Variants in AMBRA1 observed in about 807,000 individuals in gnomAD.
AMBRA1 encodes the protein activating molecule in BECN1-regulated autophagy protein 1.
A neutral mutation model predicts 125.4 loss-of-function variants in AMBRA1; 47 were observed. That is an observed-to-expected ratio of 0.37 (90% CI 0.30 to 0.48). The LOEUF is 0.48. AMBRA1 is among the 20% of genes least tolerant of loss of function. The pLI is 0.99. For synonymous variants in AMBRA1, 626 were observed against 655.5 expected, an observed-to-expected ratio of 0.95 and a Z score of 0.69; for missense variants, 1,331 against 1,693.4, an observed-to-expected ratio of 0.79 and a Z score of 3.76.
At chr11:46,417,047 T>C (rs988844961) in intron 15 of AMBRA1, among the ~76,000 whole-genome samples, 20 of 152,154 alleles carry the variant, frequency 1.3e-4, no homozygotes, top group African/African-American at 3.6e-4. Flanking sequence ...TGACTGTAAA[T>C]TGAGCTTTTC....
At chr11:46,427,865 C>T (rs758673614) in intron 14 of AMBRA1, among the ~76,000 whole-genome samples, 4 of 151,836 alleles carry the variant, frequency 2.6e-5, no homozygotes, top group Admixed American at 6.6e-5. Context: ...AAAAATTAGC[C>T]GGGAGTGGTG....
At chr11:46,424,515 A>C (rs753737892) in intron 14 of AMBRA1, among the ~76,000 whole-genome samples, 19 of 152,240 alleles carry the variant, frequency 1.2e-4, no homozygotes, top group Non-Finnish European at 2.6e-4. Context: ...TTCTGTGCTA[A>C]AAGAAATACT....
intron 17 of AMBRA1, among the ~76,000 whole-genome samples, chr11:46,400,337 C>T (rs976272330): frequency 2.6e-5 from 4 of 152,162 alleles, no homozygotes; most frequent in Admixed American, 6.5e-5. Flanking sequence ...CATCCATCCC[C>T]TTCTCTCTGC....
At chr11:46,443,395 T>G in intron 12 of AMBRA1, 93 bp downstream of exon 12, 2 of 954,446 alleles carry the variant, frequency 2.1e-6, no homozygotes, top group Non-Finnish European at 1.7e-6. Context: ...CTCAATAGGA[T>G]GATGAAAAAC....
At chr11:46,583,206 A>T (rs2044238473) in intron 1 of AMBRA1, among the ~76,000 whole-genome samples, 1 of 152,106 alleles carries the variant, frequency 6.6e-6, no homozygotes, top group Non-Finnish European at 1.5e-5. Context: ...GCATATCTAC[A>T]ACTATCTGAT....
intron 1 of AMBRA1, among the ~76,000 whole-genome samples, chr11:46,549,815 C>T (rs1251819511): frequency 1.3e-5 from 2 of 151,130 alleles, no homozygotes; most frequent in Admixed American, 6.6e-5. Context: ...ACTAGCTTTT[C>T]TTTCTTTTTT....
intron 1 of AMBRA1, among the ~76,000 whole-genome samples, chr11:46,570,893 A>T (rs1215633170): frequency 6.6e-6 from 1 of 152,024 alleles, no homozygotes; most frequent in Non-Finnish European, 1.5e-5. Context: ...CCCTACTCCA[A>T]GAAAGGGATA....
chr11:46,589,797 A>AT (rs1450948774), intron 1 of AMBRA1, among the ~76,000 whole-genome samples: 1 of 151,200 alleles, frequency 6.6e-6, no homozygotes, highest in Non-Finnish European at 1.5e-5. Context: ...TTTTTTTTGT[A>AT]TTTTTTAGTA....
intron 15 of AMBRA1, among the ~76,000 whole-genome samples, chr11:46,411,063 G>A (rs1393675173): frequency 7.2e-6 from 1 of 138,928 alleles, no homozygotes; most frequent in Non-Finnish European, 1.5e-5. Flanking sequence ...TCGCGCCACT[G>A]TACTCCAGCC....
chr11:46,500,257 C>T (rs1484923965), intron 9 of AMBRA1, among the ~76,000 whole-genome samples: 1 of 152,006 alleles, frequency 6.6e-6, no homozygotes, highest in African/African-American at 2.4e-5. Context: ...AAAACTGGAT[C>T]CAGTAAGAGT....
intron 9 of AMBRA1, among the ~76,000 whole-genome samples, chr11:46,504,004 AAC>A (rs1339094123): frequency 1.3e-5 from 2 of 152,224 alleles, no homozygotes; most frequent in Non-Finnish European, 2.9e-5. Flanking sequence ...CGGCTCTAGC[AAC>A]AGTTTTCAAG....
At chr11:46,588,706 C>T (rs1195128335) in intron 1 of AMBRA1, among the ~76,000 whole-genome samples, 1 of 147,544 alleles carries the variant, frequency 6.8e-6, no homozygotes, top group Non-Finnish European at 1.5e-5. Context: ...ACCCAGGAGG[C>T]GGAGGATGCA....
chr11:46,488,665 A>C (rs1404631765), intron 11 of AMBRA1, among the ~76,000 whole-genome samples: 1 of 152,190 alleles, frequency 6.6e-6, no homozygotes, highest in Non-Finnish European at 1.5e-5. Context: ...ATTCTCCTCA[A>C]GCACATGGGT....
In AMBRA1 at chr11:46,542,490, C is replaced by T. The variant is rs373590747; in HGVS notation, c.1527G>A (p.Glu509=). ...LQCDLRRFFL[E]YDRLQELDQS... The stretch of plus-strand genomic sequence containing the variant: ...GATCCAGCTCCTGAAGCCGGTCATA[C>T]TCCAGAAAGAAGCGTCTCAGGTCAC... The change falls in exon 7 of 18, where the codon GAG becomes GAA. Residue 509 remains glutamate, a synonymous_variant. Coordinates refer to ENST00000683756, the MANE Select transcript of AMBRA1 (RefSeq NM_001387011.1). This position sits in a 1 kb window ranked among gnomAD's most constrained non-coding sequence, Gnocchi z 5.9. 1 of 1,613,802 alleles carries T rather than the reference C, an allele frequency of 6.2e-7. No homozygotes were observed. Among genetic ancestry groups the T allele is most frequent in the Non-Finnish European group, 8.5e-7 (1 of 1,180,034 alleles).
In AMBRA1 at chr11:46,508,192, C is replaced by G. The variant is rs1461986983; in HGVS notation, c.2338G>C (p.Glu780Gln). 1 of 1,613,914 alleles carries G rather than the reference C, an allele frequency of 6.2e-7. No individual in the cohort carries two copies. The highest frequency in any genetic ancestry group is 2.2e-5 in the East Asian group (1 of 44,896). Residue 780 changes from glutamate to glutamine, a missense_variant and splice_region_variant, in exon 9 of 18, where the codon GAG (glutamate) becomes CAG (glutamine). This residue lies in a region of AMBRA1 where 689 missense variants were observed against 776.5 expected (regional missense o/e 0.89). Transcript: ENST00000683756. ...AAAGCAAGCTGAGTATGTACTTACT[C>G]AAAGTCCTCAAATTCCAAGTCGGTT... ...EGTDLEFEDFEDNGDRSRHRA... is the reference protein window; with the variant it reads ...EGTDLEFEDFQDNGDRSRHRA...
intron 1 of AMBRA1, among the ~76,000 whole-genome samples, chr11:46,558,548 CAAAAAAAAAAAAA>C (rs58748629): frequency 5.2e-5 from 2 of 38,740 alleles, no homozygotes; most frequent in East Asian, 1.3e-3. Context: ...GACTCCCTCT[CAAAAAAAAAAAAA>C]AAAAAAAAAA....
chr11:46,463,415 C>A (rs1949185329), intron 11 of AMBRA1, among the ~76,000 whole-genome samples: 1 of 152,170 alleles, frequency 6.6e-6, no homozygotes, highest in Non-Finnish European at 1.5e-5. Context: ...AGAAGGTATG[C>A]AGTAACTCCA....
chr11:46,454,310 T>G (rs977388090), intron 11 of AMBRA1, among the ~76,000 whole-genome samples: 1 of 151,828 alleles, frequency 6.6e-6, no homozygotes, highest in South Asian at 2.1e-4. Context: ...ATTACAGGCG[T>G]GAGCCATCAT....
intron 15 of AMBRA1, among the ~76,000 whole-genome samples, chr11:46,416,282 G>A (rs1480584904): frequency 6.6e-6 from 1 of 152,174 alleles, no homozygotes; most frequent in Non-Finnish European, 1.5e-5. Flanking sequence ...GACAGATCCT[G>A]GGACTAGGGA....
Sources: allele counts gnomAD v4.1 joint callset (sites outside exome capture counted in the v4.1 genomes callset), GRCh38; gene constraint gnomAD v4.1.1; regional missense constraint gnomAD v4.1.1; non-coding constraint Gnocchi (gnomAD v3.1); transcripts MANE v1.5; gene names NCBI Gene and HGNC (gene_info 2026-07-23, HGNC 2026-07-21).